GALNTL6: variants seen among roughly 807,000 people sequenced by gnomAD.
GALNTL6 encodes polypeptide N-acetylgalactosaminyltransferase-like 6.
In GALNTL6, 46 loss-of-function variants were observed where a neutral mutation model predicts 73.7. The ratio of observed to expected loss-of-function variants is 0.62; its 90% CI spans 0.49 to 0.80. The LOEUF (loss-of-function observed/expected upper bound fraction) is 0.80, where lower values mean the gene tolerates loss of function less well. Ranked by LOEUF, GALNTL6 falls within the 30% of genes least tolerant of loss-of-function variation. The pLI is 0.00. For missense variants in GALNTL6, 604 were observed against 755.0 expected, an observed-to-expected ratio of 0.80 and a Z score of 2.34; for synonymous variants, 259 against 263.7, an observed-to-expected ratio of 0.98 and a Z score of 0.17.
intron 8 of GALNTL6, among the ~76,000 whole-genome samples, chr4:172,895,393 T>C: frequency 6.8e-6 from 1 of 147,980 alleles, no homozygotes; most frequent in Non-Finnish European, 1.5e-5. Context: ...GTTATATATA[T>C]ATATATATAT....
intron 4 of GALNTL6, among the ~76,000 whole-genome samples, chr4:172,313,127 C>G (rs1340095199): frequency 7.0e-6 from 1 of 142,422 alleles, no homozygotes; most frequent in Non-Finnish European, 1.5e-5. Flanking sequence ...CCCCCACCCC[C>G]ACACTTCTTT....
chr4:172,128,849 C>A (rs1472450204), intron 2 of GALNTL6, among the ~76,000 whole-genome samples: 2 of 152,080 alleles, frequency 1.3e-5, no homozygotes, highest in Admixed American at 6.5e-5. Context: ...GGCTTTTTTC[C>A]CCCTCTCCTA....
intron 5 of GALNTL6, among the ~76,000 whole-genome samples, chr4:172,563,977 G>A (rs1369254496): frequency 1.3e-5 from 2 of 152,096 alleles, no homozygotes; most frequent in Non-Finnish European, 2.9e-5. Context: ...TGTTAGTCTT[G>A]TAATTACAAT....
chr4:172,839,874 C>A (rs1169100530), intron 7 of GALNTL6, among the ~76,000 whole-genome samples: 1 of 152,118 alleles, frequency 6.6e-6, no homozygotes, highest in Non-Finnish European at 1.5e-5. Context: ...ACCTGAAAAG[C>A]AAAGATTCTT....
intron 5 of GALNTL6, among the ~76,000 whole-genome samples, chr4:172,564,937 A>C (rs1736503782): frequency 6.6e-6 from 1 of 152,240 alleles, no homozygotes; most frequent in South Asian, 2.1e-4. Flanking sequence ...AGTCCATTCA[A>C]ACTGCTATAA....
chr4:172,169,239 C>T (rs1303872781), intron 2 of GALNTL6, among the ~76,000 whole-genome samples: 1 of 152,166 alleles, frequency 6.6e-6, no homozygotes, highest in Non-Finnish European at 1.5e-5. Flanking sequence ...CTGAGAGCCC[C>T]AGTCTAACGT....
At chr4:172,313,514 A>G (rs1204678977) in intron 4 of GALNTL6, among the ~76,000 whole-genome samples, 1 of 152,224 alleles carries the variant, frequency 6.6e-6, no homozygotes, top group African/African-American at 2.4e-5. Context: ...CACTGAAGTC[A>G]AAAGAAGACA....
chr4:172,478,902 T>A (rs931753675), intron 5 of GALNTL6, among the ~76,000 whole-genome samples: 2 of 147,354 alleles, frequency 1.4e-5, no homozygotes, highest in Non-Finnish European at 2.9e-5. Flanking sequence ...CCAACAAACA[T>A]GTGAAAAAAT....
At chr4:172,557,310 A>C (rs941145220) in intron 5 of GALNTL6, among the ~76,000 whole-genome samples, 3 of 152,150 alleles carry the variant, frequency 2.0e-5, no homozygotes, top group Admixed American at 6.5e-5. Context: ...TTTTAGAAGA[A>C]AACATAGGAG....
intron 5 of GALNTL6, among the ~76,000 whole-genome samples, chr4:172,632,753 T>G (rs1739454014): frequency 6.6e-6 from 1 of 152,202 alleles, no homozygotes; most frequent in Admixed American, 6.5e-5. Context: ...TGGCAGCCCC[T>G]TCCATCACAT....
At chr4:172,597,811 A>G (rs1416100908) in intron 5 of GALNTL6, among the ~76,000 whole-genome samples, 1 of 152,158 alleles carries the variant, frequency 6.6e-6, no homozygotes, top group Non-Finnish European at 1.5e-5. Context: ...ATTAAATCAC[A>G]CAAAAAGTAT....
chr4:171,970,909 T>G (rs756611966), intron 2 of GALNTL6, among the ~76,000 whole-genome samples: 1 of 152,222 alleles, frequency 6.6e-6, no homozygotes, highest in Non-Finnish European at 1.5e-5. Flanking sequence ...TATCTAATGC[T>G]TGAAGTTTAG....
intron 2 of GALNTL6, among the ~76,000 whole-genome samples, chr4:172,100,026 T>C (rs1156267351): frequency 1.3e-5 from 2 of 152,100 alleles, no homozygotes; most frequent in East Asian, 1.9e-4. Context: ...ACAAAGGAGA[T>C]ACTATATTAG....
At chr4:172,601,143 T>C (rs1738039468) in intron 5 of GALNTL6, among the ~76,000 whole-genome samples, 1 of 152,182 alleles carries the variant, frequency 6.6e-6, no homozygotes, top group African/African-American at 2.4e-5. Flanking sequence ...AAGTATAGTG[T>C]TGAAATATTA....
chr4:172,272,412 C>T (rs1189476916), intron 3 of GALNTL6, among the ~76,000 whole-genome samples: 2 of 152,242 alleles, frequency 1.3e-5, no homozygotes, highest in African/African-American at 4.8e-5. Context: ...TAGCGCACTA[C>T]ACACCTAGGC....
intron 2 of GALNTL6, among the ~76,000 whole-genome samples, chr4:172,079,223 T>A (rs1028619446): frequency 3.9e-5 from 6 of 152,092 alleles, no homozygotes; most frequent in African/African-American, 1.4e-4. Flanking sequence ...GTCATAGGTT[T>A]TTTTTGTCAT....
chr4:172,581,232 T>G (rs1173107555), intron 5 of GALNTL6, among the ~76,000 whole-genome samples: 1 of 152,228 alleles, frequency 6.6e-6, no homozygotes, highest in Admixed American at 6.5e-5. Flanking sequence ...AGTACAACTA[T>G]GCAAAATCAT....
intron 5 of GALNTL6, among the ~76,000 whole-genome samples, chr4:172,759,160 G>A (rs963103114): frequency 7.2e-5 from 11 of 152,184 alleles, no homozygotes; most frequent in Admixed American, 1.3e-4. Context: ...AAAGCAGAGT[G>A]TCCCTGAACT....
intron 2 of GALNTL6, among the ~76,000 whole-genome samples, chr4:172,042,473 A>G (rs1381639320): frequency 6.6e-6 from 1 of 151,994 alleles, no homozygotes; most frequent in African/African-American, 2.4e-5. Flanking sequence ...AAGCAAGTCT[A>G]CTTAAACGTT....
Sources: gnomAD v4.1 joint callset for allele counts (sites outside exome capture counted in the v4.1 genomes callset) on GRCh38, gnomAD v4.1.1 for gene constraint, MANE v1.5 for transcripts, NCBI Gene and HGNC (gene_info 2026-07-23, HGNC 2026-07-21) for gene names.